Variants in UST observed in about 807,000 individuals in gnomAD.
The protein encoded by UST is chondroitin sulfate 2-O-sulfotransferase.
Under a neutral mutation model 45.6 loss-of-function variants are expected in UST, and 21 were observed. That is an observed-to-expected ratio of 0.46 (90% CI 0.33 to 0.66). The LOEUF (loss-of-function observed/expected upper bound fraction) is 0.66, where lower values mean the gene tolerates loss of function less well. Among genes scored for constraint, UST ranks in the 30% least tolerant of loss-of-function variants. UST has a pLI of 0.02. For missense variants in UST, 463 were observed against 512.4 expected, an observed-to-expected ratio of 0.90 and a Z score of 0.93; for synonymous variants, 215 against 200.6, an observed-to-expected ratio of 1.07 and a Z score of -0.61.
At chr6:149,035,342 A>G (rs967843240) in intron 7 of UST, among the ~76,000 whole-genome samples, 5 of 152,120 alleles carry the variant, frequency 3.3e-5, no homozygotes, top group African/African-American at 1.2e-4. Context: ...TCCCCGCTTT[A>G]TCTCTATTTG....
At chr6:148,990,488 T>C in intron 5 of UST, 1 of 734,270 alleles carries the variant, frequency 1.4e-6, no homozygotes, top group Non-Finnish European at 1.7e-6. Context: ...CACCAGTGTG[T>C]TTTCCTGGAT....
intron 5 of UST, among the ~76,000 whole-genome samples, chr6:149,007,079 A>G (rs1351391795): frequency 6.6e-6 from 1 of 151,028 alleles, no homozygotes; most frequent in African/African-American, 2.4e-5. Context: ...TTTTTTAAAC[A>G]TTCCAAAAAG....
At chr6:148,795,612 A>G (rs1237128104) in intron 1 of UST, among the ~76,000 whole-genome samples, 1 of 152,106 alleles carries the variant, frequency 6.6e-6, no homozygotes, top group Non-Finnish European at 1.5e-5. Flanking sequence ...AAAAAACCCA[A>G]CTATACCCTT....
intron 5 of UST, among the ~76,000 whole-genome samples, chr6:149,012,612 T>C (rs546190742): frequency 6.6e-6 from 1 of 152,298 alleles, no homozygotes; most frequent in Admixed American, 6.5e-5. Flanking sequence ...TTTTATATCA[T>C]CGTGTTACAT....
chr6:148,761,518 C>T (rs1477710252), intron 1 of UST, among the ~76,000 whole-genome samples: 5 of 118,936 alleles, frequency 4.2e-5, no homozygotes, highest in South Asian at 5.1e-4. Flanking sequence ...CATCCGACAA[C>T]GTGCCAAAAA....
chr6:149,071,081 A>T lies in UST; in HGVS notation c.938-2752A>T, dbSNP rs541332903. ...ATACCCGGCTCTTTTAGTTATTTTTAAATGTACAATTAAATTATTATTGGC... is the reference window on the plus strand; with the variant it reads ...ATACCCGGCTCTTTTAGTTATTTTTTAATGTACAATTAAATTATTATTGGC... On this transcript the variant is annotated intron_variant, in intron 7 of 7. Transcript: ENST00000367463. Among the ~76,000 whole-genome samples the T allele has an allele frequency of 5.9e-5, 9 of 152,254 alleles. No homozygotes were observed. The South Asian group carries it at 1.9e-3, about 32-fold the overall frequency.
chr6:148,966,670 G>A (rs1377414581), intron 5 of UST, among the ~76,000 whole-genome samples: 3 of 152,180 alleles, frequency 2.0e-5, no homozygotes, highest in African/African-American at 7.2e-5. Flanking sequence ...ATAATAAGCT[G>A]CAATCATTAG....
intron 2 of UST, among the ~76,000 whole-genome samples, chr6:148,913,900 GT>G (rs1426010451): frequency 6.6e-6 from 1 of 152,124 alleles, no homozygotes; most frequent in African/African-American, 2.4e-5. Context: ...AGCTGCACTG[GT>G]TACCAACTTA....
rs1169719529 is a variant in UST at position 148,838,254 on chromosome 6, G to T, written c.248-48732G>T. On this transcript the variant is annotated intron_variant, in intron 1 of 7. Transcript: ENST00000367463. Reference sequence around the variant, plus strand: ...GGGAGCAGCTAGTTCTAAGGCCCCAGGTTGGAAAGGGCAGGGTGGACTCAA... The same window carrying T: ...GGGAGCAGCTAGTTCTAAGGCCCCATGTTGGAAAGGGCAGGGTGGACTCAA... Among the ~76,000 whole-genome samples, 3 of 152,156 alleles carry T rather than the reference G, an allele frequency of 2.0e-5. No individual in the cohort carries two copies. In the East Asian group the frequency reaches 5.8e-4, roughly 29 times the overall value.
At chr6:149,066,691 C>G (rs891679654) in intron 7 of UST, among the ~76,000 whole-genome samples, 2 of 152,018 alleles carry the variant, frequency 1.3e-5, no homozygotes, top group African/African-American at 2.4e-5. Context: ...GGAGGGGTAA[C>G]AGGAAAAGCT....
intron 5 of UST, among the ~76,000 whole-genome samples, chr6:148,967,677 C>T (rs999904557): frequency 1.3e-5 from 2 of 152,198 alleles, no homozygotes; most frequent in African/African-American, 4.8e-5. Flanking sequence ...GCCACCCCTC[C>T]CCTCGGAGGC....
chr6:148,751,697 A>G (rs561633545), intron 1 of UST, among the ~76,000 whole-genome samples: 8 of 152,314 alleles, frequency 5.3e-5, no homozygotes, highest in African/African-American at 1.9e-4. Context: ...AGCAAATGCT[A>G]CACTTAAGCT....
At chr6:148,997,156 C>T (rs781712983) in intron 5 of UST, among the ~76,000 whole-genome samples, 14 of 152,242 alleles carry the variant, frequency 9.2e-5, no homozygotes, top group Middle Eastern at 6.8e-3. Flanking sequence ...TGTATATATC[C>T]TAAGATGTAC....
chr6:148,897,604 G>C (rs1302017493), intron 2 of UST, among the ~76,000 whole-genome samples: 1 of 151,734 alleles, frequency 6.6e-6, no homozygotes, highest in East Asian at 1.9e-4. Flanking sequence ...TTATCTTCCT[G>C]CCTCAGCCTC....
chr6:148,865,346 G>A (rs773945865), intron 1 of UST, among the ~76,000 whole-genome samples: 4 of 152,126 alleles, frequency 2.6e-5, no homozygotes, highest in Admixed American at 6.5e-5. Context: ...TTTGGGCATG[G>A]GGTCACCGTG....
intron 4 of UST, among the ~76,000 whole-genome samples, chr6:148,961,084 T>G (rs1010548820): frequency 2.0e-5 from 3 of 152,090 alleles, no homozygotes; most frequent in Non-Finnish European, 4.4e-5. Context: ...TTCTAGAAAA[T>G]TATTCCCTGC....
At chr6:148,772,780 C>T (rs1369446443) in intron 1 of UST, among the ~76,000 whole-genome samples, 1 of 152,118 alleles carries the variant, frequency 6.6e-6, no homozygotes, top group African/African-American at 2.4e-5. Context: ...GGGCCAGAAT[C>T]TTTCTCAGAG....
chr6:148,782,575 C>T (rs1776662178), intron 1 of UST, among the ~76,000 whole-genome samples: 1 of 151,984 alleles, frequency 6.6e-6, no homozygotes, highest in Non-Finnish European at 1.5e-5. Flanking sequence ...CTCAGCCTCC[C>T]GAGAAGCTGG....
chr6:148,747,450 A>G lies in UST; in HGVS notation c.20A>G (p.His7Arg). The G allele has an allele frequency of 3.5e-6, 5 of 1,425,590 alleles. No individual in the cohort carries two copies. Among genetic ancestry groups the G allele is most frequent in the Non-Finnish European group, 4.6e-6 (5 of 1,087,542 alleles). 88.3% of individuals were successfully genotyped at this position (1,425,590 alleles called of 1,614,324 possible). A position where few individuals can be genotyped will look rare whatever the true frequency, so the allele number is the denominator to read the frequency against. Reference protein sequence around the residue: MKKKQQHPGGGADPWPH... With the variant: MKKKQQRPGGGADPWPH... ...CAGGCGATGAAGAAGAAGCAGCAGC[A>G]TCCCGGCGGCGGCGCGGATCCCTGG... The change falls in exon 1 of 8, where the codon CAT becomes CGT. Residue 7 changes from histidine to arginine, a missense_variant. Coordinates refer to ENST00000367463, the MANE Select transcript of UST (RefSeq NM_005715.3).
Sources: gnomAD v4.1 joint callset for allele counts (sites outside exome capture counted in the v4.1 genomes callset) on GRCh38, gnomAD v4.1.1 for gene constraint, MANE v1.5 for transcripts, NCBI Gene and HGNC (gene_info 2026-07-23, HGNC 2026-07-21) for gene names.